Variants in SLC19A1 observed in about 807,000 individuals in gnomAD.
SLC19A1 encodes solute carrier family 19 member 1, also known as reduced folate transporter.
A neutral mutation model predicts 35.3 loss-of-function variants in SLC19A1; 37 were observed. That is an observed-to-expected ratio of 1.05 (90% CI 0.81 to 1.38). SLC19A1 has a LOEUF of 1.38. Among genes scored for constraint, SLC19A1 ranks in the 40% most tolerant of loss-of-function variants. The pLI is 0.00. For synonymous variants in SLC19A1, 460 were observed against 398.5 expected (o/e 1.15, Z -1.84); for missense variants, 831 against 826.9 (o/e 1.00, Z -0.06).
intron 4 of SLC19A1, 137 bp from the exon 5 acceptor site, chr21:45,526,095 C>T (rs546562994): frequency 1.4e-5 from 12 of 872,252 alleles, no homozygotes; most frequent in Admixed American, 5.2e-5. Context: ...ACAAGCCCCC[C>T]ACCAGGCCCC....
In SLC19A1 at chr21:45,516,156, G is replaced by A. The variant is rs747999405; in HGVS notation, c.1294-16C>T. On this transcript the variant is annotated splice_polypyrimidine_tract_variant and intron_variant, in intron 5 of 5. Coordinates refer to ENST00000311124, the MANE Select transcript of SLC19A1 (RefSeq NM_194255.4). Reference sequence around the variant, plus strand: ...ATAACTGGAACTGGAAAGAGAGGCCGGGTGAGGCGGGTGGGGAGGGCCTGG... The same window carrying A: ...ATAACTGGAACTGGAAAGAGAGGCCAGGTGAGGCGGGTGGGGAGGGCCTGG... 6.4e-5 allele frequency: 102 copies of A among 1,597,876 alleles called. No homozygotes were observed. Among genetic ancestry groups the A allele is most frequent in the Non-Finnish European group, 8.0e-5 (94 of 1,171,314 alleles).
chr21:45,529,161 C>T (rs2077755919), intron 4 of SLC19A1, among the ~76,000 whole-genome samples: 1 of 152,204 alleles, frequency 6.6e-6, no homozygotes, highest in Non-Finnish European at 1.5e-5. Flanking sequence ...GCAGAAGGGG[C>T]CCCGAGTATG....
downstream of SLC19A1, chr21:45,510,327 C>T: frequency 1.3e-6 from 2 of 1,507,712 alleles, no homozygotes; most frequent in Middle Eastern, 1.7e-4. Context: ...GGTGAACTCC[C>T]AGCGGGGAGC....
upstream of SLC19A1, among the ~76,000 whole-genome samples, chr21:45,542,954 A>G (rs1300310884): frequency 5.3e-5 from 8 of 151,716 alleles, no homozygotes; most frequent in Non-Finnish European, 8.8e-5. Flanking sequence ...GTGGGGCTCC[A>G]ACAGGGACAC....
chr21:45,531,368 C>A, intron 3 of SLC19A1, 21 bp downstream of exon 3: 1 of 1,546,196 alleles, frequency 6.5e-7, no homozygotes, highest in East Asian at 2.3e-5. Flanking sequence ...GAAGAAGCCT[C>A]GGGGACCAGG....
intron 5 of SLC19A1, among the ~76,000 whole-genome samples, chr21:45,523,190 G>A (rs2077489586): frequency 6.6e-6 from 1 of 152,128 alleles, no homozygotes; most frequent in South Asian, 2.1e-4. Flanking sequence ...CATGCTGGAG[G>A]AAAGAGAGTG....
chr21:45,551,813 A>T (rs954002135), intron 1 of SLC19A1, among the ~76,000 whole-genome samples: 1 of 152,198 alleles, frequency 6.6e-6, no homozygotes, highest in Non-Finnish European at 1.5e-5. Flanking sequence ...AATCTCTGAT[A>T]GCCTCATTCA....
chr21:45,511,228 T>C (rs113847452), downstream of SLC19A1: 23 of 1,539,642 alleles, frequency 1.5e-5, no homozygotes, highest in Non-Finnish European at 1.8e-5. Context: ...CCCCACCTGG[T>C]AGGTTCCCAG....
At position 45,513,454 on chromosome 21, in the gene SLC19A1, A is replaced by G. The variant is rs2037725843; in HGVS notation, c.*2204T>C. The G allele has an allele frequency of 1.3e-5, 2 of 152,206 alleles. No individual in the cohort carries two copies. Among genetic ancestry groups the G allele is most frequent in the Non-Finnish European group, 2.9e-5 (2 of 68,050 alleles). 9.4% of individuals were successfully genotyped at this position (152,206 alleles called of 1,614,324 possible). On this transcript the variant is annotated 3_prime_UTR_variant, in exon 6 of 6. Coordinates refer to ENST00000311124, the MANE Select transcript of SLC19A1 (RefSeq NM_194255.4). The stretch of plus-strand genomic sequence containing the variant: ...ACTGAAGGGGAACCCCGGGGTGCCC[A>G]CAGGCCGCCCTGCGGGTGAACAAAG...
intron 4 of SLC19A1, among the ~76,000 whole-genome samples, chr21:45,528,790 G>GGAGTGACCACCTGCATCTGT (rs1286932460): frequency 6.6e-6 from 1 of 152,172 alleles, no homozygotes; most frequent in Non-Finnish European, 1.5e-5. Context: ...CTCATGACCG[G>GGAGTGACCACCTGCATCTGT]GAGTGACCAC....
chr21:45,511,079 C>CCA (rs752924412), downstream of SLC19A1: 69 of 1,034,784 alleles, frequency 6.7e-5, no homozygotes, highest in South Asian at 1.1e-4. Context: ...CCCCCACACA[C>CCA]CACACACACA....
intron 3 of SLC19A1, among the ~76,000 whole-genome samples, chr21:45,503,778 A>G (rs1333353702): frequency 2.6e-5 from 4 of 152,190 alleles, no homozygotes; most frequent in South Asian, 4.1e-4. Context: ...CTAAAACTTA[A>G]AGTATAATAA....
chr21:45,548,206 G>A (rs1344975396), upstream of SLC19A1, among the ~76,000 whole-genome samples: 4 of 152,172 alleles, frequency 2.6e-5, no homozygotes, highest in African/African-American at 9.7e-5. Flanking sequence ...AGAACAGCTG[G>A]ATATCCACAG....
Position 45,506,308 on chromosome 21 carries a change from CAGG to C in SLC19A1, c.498-7699_498-7697del, listed in dbSNP as rs1161742215. On this transcript the variant is annotated intron_variant, in intron 3 of 4. Coordinates refer to the SLC19A1 transcript ENST00000417954. ...GACGGGACGAGGCGGCAGGGGGGCT[CAGG>C]CCCTCCAGGGCCACGTGACGTCCAC... The C allele has an allele frequency of 1.1e-3, 426 of 370,874 alleles. 3 individuals carry two copies. The East Asian group carries it at 0.026, about 23-fold the overall frequency. The allele number at this position is 370,874 out of a possible 1,614,324, so 23.0% of individuals were successfully genotyped here. A position where few individuals can be genotyped will look rare whatever the true frequency, so the allele number is the denominator to read the frequency against.
At chr21:45,509,839 G>C (rs968758094), downstream of SLC19A1, among the ~76,000 whole-genome samples, 1 of 152,210 alleles carries the variant, frequency 6.6e-6, no homozygotes, top group African/African-American at 2.4e-5. Context: ...GCGTACCTCC[G>C]CCTACAGCGG....
rs1196567895 is a variant in SLC19A1, at chr21:45,531,630, C to T, written c.708G>A (p.Gly236=). ...ELERMNPGPG[G]KLGHALRVAC... Reference sequence around the variant, plus strand: ...CCACCCGCAGGGCGTGTCCCAGCTTCCCGCCTGGGCCAGGATTCATGCGCT... The same window carrying T: ...CCACCCGCAGGGCGTGTCCCAGCTTTCCGCCTGGGCCAGGATTCATGCGCT... The change falls in exon 3 of 6, where the codon GGG becomes GGA. Residue 236 remains glycine, a synonymous_variant. Coordinates refer to ENST00000311124, the MANE Select transcript of SLC19A1 (RefSeq NM_194255.4). The T allele has an allele frequency of 1.2e-6, 2 of 1,612,226 alleles. No individual in the cohort carries two copies. The highest frequency in any genetic ancestry group is 2.2e-5 in the South Asian group (2 of 91,064).
chr21:45,522,063 T>C (rs9306132), intron 5 of SLC19A1, among the ~76,000 whole-genome samples: 72,816 of 151,684 alleles, frequency 0.48, 18,166 homozygotes, highest in African/African-American at 0.63. Flanking sequence ...GAAAAAAAAA[T>C]TGCAAACTGT....
chr21:45,547,940 A>G (rs1468955251), upstream of SLC19A1, among the ~76,000 whole-genome samples: 3 of 152,254 alleles, frequency 2.0e-5, no homozygotes, highest in East Asian at 5.8e-4. Flanking sequence ...ATTCAGTGCA[A>G]TCCAACAGAG....
At chr21:45,537,149 C>T (rs1014504257) in intron 2 of SLC19A1, among the ~76,000 whole-genome samples, 2 of 152,288 alleles carry the variant, frequency 1.3e-5, no homozygotes, top group Non-Finnish European at 2.9e-5. Flanking sequence ...CCAGGAGGGC[C>T]GATGAGCACG....
Sources: gnomAD v4.1 joint callset for allele counts (sites outside exome capture counted in the v4.1 genomes callset) on GRCh38, gnomAD v4.1.1 for gene constraint, MANE v1.5 for transcripts, NCBI Gene and HGNC (gene_info 2026-07-23, HGNC 2026-07-21) for gene names.